The following CUX1 variants were observed in gnomAD, a reference collection of about 807,000 sequenced individuals.
CUX1 encodes cut like homeobox 1, also known as protein CASP.
CUX1 carries 31 observed loss-of-function variants against 158.8 expected under a neutral mutation model. That is an observed-to-expected ratio of 0.20 (90% confidence interval 0.15 to 0.26). The LOEUF (loss-of-function observed/expected upper bound fraction) is 0.26. Among genes scored for constraint, CUX1 ranks in the 10% least tolerant of loss-of-function variants. The probability of loss-of-function intolerance (pLI) is 1.00; values close to 1 mark genes in which losing one functional copy is unlikely to be tolerated. For missense variants in CUX1, 1,589 were observed against 2,014.6 expected, an observed-to-expected ratio of 0.79 and a Z score of 4.04; for synonymous variants, 879 against 862.1, an observed-to-expected ratio of 1.02 and a Z score of -0.34.
chr7:101,827,244 C>CTCTTCT (rs1554381496), intron 1 of CUX1, among the ~76,000 whole-genome samples: 7 of 129,676 alleles, frequency 5.4e-5, no homozygotes, highest in Non-Finnish European at 1.6e-5. Context: ...CCCCTCCCCT[C>CTCTTCT]CTTCTCTTCT....
intron 2 of CUX1, among the ~76,000 whole-genome samples, chr7:102,024,313 G>T (rs570841232): frequency 1.3e-5 from 2 of 152,014 alleles, no homozygotes; most frequent in African/African-American, 4.8e-5. Context: ...CTGAATCTGA[G>T]CCCTTGTTAA....
chr7:102,084,581 C>T (rs1012150681), intron 4 of CUX1, among the ~76,000 whole-genome samples: 3 of 144,854 alleles, frequency 2.1e-5, no homozygotes, highest in Non-Finnish European at 1.6e-5. Flanking sequence ...CGCCACCACG[C>T]CTGGCTAATT....
rs782024372 is a variant in CUX1, at chr7:102,280,135, C to G, written c.1764+15C>G. 3.2e-6 allele frequency: 5 copies of G among 1,579,338 alleles called. No homozygotes were observed. In the African/African-American group the frequency reaches 5.4e-5, roughly 17 times the overall value. On this transcript the variant is annotated intron_variant, in intron 19 of 22. Coordinates refer to the CUX1 transcript ENST00000292538. ...TCAGCAAGCGGGTTCGTGAGCCCAG[C>G]CTGGGCAGGGGAGGGGAGGGGCATC...
At chr7:101,939,058 C>CATATATAT (rs58303224) in intron 2 of CUX1, among the ~76,000 whole-genome samples, 5 of 52,670 alleles carry the variant, frequency 9.5e-5, no homozygotes, top group Admixed American at 3.2e-4. Flanking sequence ...AAAAAAAATA[C>CATATATAT]ATATATATAT....
At chr7:101,899,671 C>T (rs1801929277) in intron 1 of CUX1, among the ~76,000 whole-genome samples, 1 of 152,182 alleles carries the variant, frequency 6.6e-6, no homozygotes, top group Admixed American at 6.5e-5. Context: ...GAGAAAAAGT[C>T]CTGATGTCTG....
At chr7:101,851,560 A>T (rs1796270109) in intron 1 of CUX1, among the ~76,000 whole-genome samples, 1 of 152,168 alleles carries the variant, frequency 6.6e-6, no homozygotes, top group African/African-American at 2.4e-5. Flanking sequence ...CTCAAATCCC[A>T]GGTTGGAAAA....
In CUX1 at chr7:102,248,373, A is replaced by G; in HGVS notation, c.3888-39A>G. On this transcript the variant is annotated intron_variant, in intron 23 of 23. Coordinates refer to ENST00000292535, the MANE Select transcript of CUX1 (RefSeq NM_181552.4). This position sits in a 1 kb window ranked among gnomAD's most constrained non-coding sequence, Gnocchi z 5.8. ...TAGCACCAGAGGCCCTTTCCCCAGC[A>G]GCACCCCCCTCACGTCCCCGCCGCT... is the stretch of plus-strand genomic sequence containing the variant. The G allele has an allele frequency of 6.5e-7, 1 of 1,534,468 alleles. No homozygotes were observed. Among genetic ancestry groups the G allele is most frequent in the Non-Finnish European group, 8.8e-7 (1 of 1,142,792 alleles).
Position 102,170,619 on chromosome 7 carries a change from G to T in CUX1, c.828+69G>T. 4 of 1,050,322 alleles carry T rather than the reference G, an allele frequency of 3.8e-6. No individual in the cohort carries two copies. In the South Asian group the frequency reaches 5.9e-5, roughly 16 times the overall value. 65.1% of individuals were successfully genotyped at this position (1,050,322 alleles called of 1,614,324 possible). A position where few individuals can be genotyped will look rare whatever the true frequency, so the allele number is the denominator to read the frequency against. On this transcript the variant is annotated intron_variant, in intron 10 of 23. Transcript: ENST00000292535. ...CCGCACCTTCGAGTTACAGCCGCTTGCTCCTTTTTGTTTTCAGCATCTCTT... is the reference window on the plus strand; with the variant it reads ...CCGCACCTTCGAGTTACAGCCGCTTTCTCCTTTTTGTTTTCAGCATCTCTT...
chr7:102,110,760 ATTTG>A (rs1200193755), intron 6 of CUX1, among the ~76,000 whole-genome samples: 1 of 152,140 alleles, frequency 6.6e-6, no homozygotes, highest in Non-Finnish European at 1.5e-5. Context: ...TATGTTACAT[ATTTG>A]TTTATATTAC....
Position 102,223,673 on chromosome 7 carries a change from A to T in CUX1, c.3131-3694A>T, listed in dbSNP as rs571621918. Among the ~76,000 whole-genome samples, 5 of 152,268 alleles carry T rather than the reference A, an allele frequency of 3.3e-5. No individual in the cohort carries two copies. The South Asian group carries it at 8.3e-4, about 25-fold the overall frequency. On this transcript the variant is annotated intron_variant, in intron 20 of 23. Coordinates refer to ENST00000292535, the MANE Select transcript of CUX1 (RefSeq NM_181552.4). ...TCCATGCAATTAAAAATAATAATAAAAAAAGAAAAAAAGGGTCAGGCGCGG... is the reference window on the plus strand; with the variant it reads ...TCCATGCAATTAAAAATAATAATAATAAAAGAAAAAAAGGGTCAGGCGCGG...
intron 20 of CUX1, among the ~76,000 whole-genome samples, chr7:102,209,309 G>A (rs1369085403): frequency 6.6e-6 from 1 of 152,136 alleles, no homozygotes; most frequent in Non-Finnish European, 1.5e-5. Context: ...GGTTCTGAAT[G>A]TTCCTCTAAG....
intron 18 of CUX1, among the ~76,000 whole-genome samples, chr7:102,279,173 T>C (rs1791861463): frequency 6.6e-6 from 1 of 152,092 alleles, no homozygotes. Context: ...AAACCCCGTC[T>C]CTACTAAAAA....
chr7:101,819,511 T>C (rs1792242976), intron 1 of CUX1, among the ~76,000 whole-genome samples: 1 of 152,230 alleles, frequency 6.6e-6, no homozygotes, highest in South Asian at 2.1e-4. Flanking sequence ...TGAAAGTCCA[T>C]TTTCTGATGG....
chr7:101,817,160 C>T (rs1157301261), upstream of CUX1: 1 of 984,266 alleles, frequency 1.0e-6, no homozygotes, highest in African/African-American at 1.8e-5. This position sits in a 1 kb window ranked among gnomAD's most constrained non-coding sequence, Gnocchi z 4.1. Flanking sequence ...CTGCAACTTT[C>T]CCCTAGGCAG....
chr7:102,257,175 A>G lies in CUX1; in HGVS notation c.*8133A>G. The G allele has an allele frequency of 1.0e-6, 1 of 985,402 alleles. No homozygotes were observed. The highest frequency in any genetic ancestry group is 1.2e-6 in the Non-Finnish European group (1 of 829,936). 61.0% of individuals were successfully genotyped at this position (985,402 alleles called of 1,614,324 possible). A position where few individuals can be genotyped will look rare whatever the true frequency, so the allele number is the denominator to read the frequency against. On this transcript the variant is annotated 3_prime_UTR_variant, in exon 24 of 24. Coordinates refer to ENST00000292535, the MANE Select transcript of CUX1 (RefSeq NM_181552.4). ...CAAGGCAAGGGCCCTGCTCACCCCA[A>G]GGTAGGCTGGGAAGAGCATCTCTTT...
chr7:102,219,931 G>C (rs552556115), intron 20 of CUX1, among the ~76,000 whole-genome samples: 5 of 152,352 alleles, frequency 3.3e-5, no homozygotes, highest in African/African-American at 1.2e-4. Flanking sequence ...CAGAAGCAAG[G>C]CTTGGGAACT....
intron 15 of CUX1, among the ~76,000 whole-genome samples, 195 bp downstream of exon 15, chr7:102,197,500 T>C (rs1393163527): frequency 6.6e-6 from 1 of 152,142 alleles, no homozygotes; most frequent in Non-Finnish European, 1.5e-5. Flanking sequence ...ATTTGGGAGA[T>C]CTGGCCTTTG....
At position 102,248,480 on chromosome 7, in the gene CUX1, G is replaced by C; in HGVS notation, c.3956G>C (p.Ser1319Thr). Residue 1319 changes from serine (S) to threonine (T), a missense_variant, in exon 24 of 24, where the codon AGC (serine) becomes ACC (threonine). Physicochemically the swap from Ser to Thr is moderately conservative, Grantham distance 58. Around this residue, in one of 8 missense-constraint regions of CUX1, gnomAD observed 344 missense variants for 323.7 expected, o/e 1.06. Coordinates refer to ENST00000292535, the MANE Select transcript of CUX1 (RefSeq NM_181552.4). The surrounding 1 kb of genome is among the most constrained non-coding windows in gnomAD (Gnocchi z 5.8). The stretch of plus-strand genomic sequence containing the variant: ...GGGAGTCAGGGCCAGGCGGGCGCCA[G>C]CGACTCACCCTCGGCCCGCAGCGGC... ...QAGSQGQAGA[S>T]DSPSARSGRA... 6.3e-7 allele frequency: 1 copy of C among 1,592,068 alleles called. No homozygotes were observed. Among genetic ancestry groups the C allele is most frequent in the South Asian group, 1.1e-5 (1 of 89,500 alleles).
At chr7:102,275,567 G>A (rs1294082968) in intron 17 of CUX1, among the ~76,000 whole-genome samples, 11 of 152,264 alleles carry the variant, frequency 7.2e-5, no homozygotes, top group African/African-American at 9.6e-5. Context: ...GAGGAGACAC[G>A]GGGGCCAGTG....
Sources: gnomAD v4.1 joint callset for allele counts (sites outside exome capture counted in the v4.1 genomes callset) on GRCh38, gnomAD v4.1.1 for gene constraint, gnomAD v4.1.1 regional missense constraint, Gnocchi (gnomAD v3.1) non-coding constraint, MANE v1.5 for transcripts, NCBI Gene and HGNC (gene_info 2026-07-23, HGNC 2026-07-21) for gene names.